PTPRN2: variants seen among roughly 807,000 people sequenced by gnomAD.
PTPRN2 encodes protein tyrosine phosphatase receptor type N2, also known as receptor-type tyrosine-protein phosphatase N2.
A neutral mutation model predicts 118.8 loss-of-function variants in PTPRN2; 74 were observed. The ratio of observed to expected loss-of-function variants is 0.62; its 90% CI spans 0.52 to 0.76. The LOEUF (loss-of-function observed/expected upper bound fraction) is 0.76. Ranked by LOEUF, PTPRN2 falls within the 30% of genes least tolerant of loss-of-function variation. The pLI is 0.00. For missense variants in PTPRN2, 1,481 were observed against 1,394.4 expected (o/e 1.06, Z -0.99); for synonymous variants, 641 against 608.0 (o/e 1.05, Z -0.80).
At chr7:157,649,254 T>C (rs1271956016) in intron 14 of PTPRN2, among the ~76,000 whole-genome samples, 8 of 75,662 alleles carry the variant, frequency 1.1e-4, no homozygotes, top group African/African-American at 1.3e-4. Context: ...TTGGACCCAT[T>C]CACTGTGCAC....
At chr7:158,549,374 G>A (rs905513159) in intron 1 of PTPRN2, among the ~76,000 whole-genome samples, 1 of 152,164 alleles carries the variant, frequency 6.6e-6, no homozygotes, top group Non-Finnish European at 1.5e-5. Flanking sequence ...GTGTTCACCG[G>A]GCGGATTCTG....
At chr7:157,839,728 G>C (rs1808230478) in intron 12 of PTPRN2, among the ~76,000 whole-genome samples, 1 of 151,986 alleles carries the variant, frequency 6.6e-6, no homozygotes, top group African/African-American at 2.4e-5. Flanking sequence ...GTGACTGTGT[G>C]ACTGTGTGGC....
At chr7:157,896,083 C>T (rs13223831) in intron 12 of PTPRN2, among the ~76,000 whole-genome samples, 63,497 of 145,618 alleles carry the variant, frequency 0.44, 14,065 homozygotes, top group Non-Finnish European at 0.52. Context: ...CAGGGGAGGA[C>T]GGGAGGAGCT....
chr7:157,904,398 A>G (rs1345166894), intron 11 of PTPRN2, among the ~76,000 whole-genome samples: 1 of 152,160 alleles, frequency 6.6e-6, no homozygotes, highest in Non-Finnish European at 1.5e-5. Flanking sequence ...GGCCCTGCAC[A>G]GGGTCTGCTG....
At chr7:157,936,866 C>T (rs1447601963) in intron 11 of PTPRN2, among the ~76,000 whole-genome samples, 1 of 152,250 alleles carries the variant, frequency 6.6e-6, no homozygotes, top group Non-Finnish European at 1.5e-5. Flanking sequence ...TTCGGTCATT[C>T]ATGCCATTTT....
intron 6 of PTPRN2, among the ~76,000 whole-genome samples, chr7:158,142,835 T>C (rs1170178263): frequency 6.6e-6 from 1 of 152,186 alleles, no homozygotes; most frequent in African/African-American, 2.4e-5. Context: ...CAGTCCCAGG[T>C]CAACGGCACC....
intron 11 of PTPRN2, among the ~76,000 whole-genome samples, chr7:157,933,687 TG>T (rs1350587869): frequency 6.7e-6 from 1 of 148,712 alleles, no homozygotes; most frequent in Non-Finnish European, 1.5e-5. Context: ...AGAGGAGGGG[TG>T]AGTCACTCTG....
At chr7:158,175,559 G>T (rs1824113993) in intron 5 of PTPRN2, among the ~76,000 whole-genome samples, 1 of 152,176 alleles carries the variant, frequency 6.6e-6, no homozygotes, top group African/African-American at 2.4e-5. Context: ...CACTCGTGTG[G>T]AGGGGAAATA....
At chr7:157,968,198 C>A (rs1391624982) in intron 11 of PTPRN2, among the ~76,000 whole-genome samples, 1 of 152,182 alleles carries the variant, frequency 6.6e-6, no homozygotes, top group Admixed American at 6.5e-5. Flanking sequence ...CAGCCTTGAA[C>A]ATCTGACACC....
chr7:158,419,718 A>C (rs1170018683), intron 2 of PTPRN2, among the ~76,000 whole-genome samples: 1 of 152,162 alleles, frequency 6.6e-6, no homozygotes, highest in African/African-American at 2.4e-5. Context: ...TGTGGCCAGC[A>C]TTCACCACTC....
chr7:158,141,359 C>A (rs1819371302), intron 6 of PTPRN2, among the ~76,000 whole-genome samples: 1 of 152,234 alleles, frequency 6.6e-6, no homozygotes, highest in Non-Finnish European at 1.5e-5. Flanking sequence ...AGCCGCACGT[C>A]CCGTCCTCTC....
Position 158,439,885 on chromosome 7 carries a change from G to A in PTPRN2, c.163+49850C>T, listed in dbSNP as rs375052421. Among the ~76,000 whole-genome samples, 123 of 152,330 alleles carry A rather than the reference G, an allele frequency of 8.1e-4. 2 individuals carry two copies. In the South Asian group the frequency reaches 0.019, roughly 24 times the overall value. On this transcript the variant is annotated intron_variant, in intron 2 of 22. Transcript: ENST00000389418. ...TGCAATGTGGAAATAATTTTGCAAC[G>A]TGGAAATACTGAGGCCTGGGGCTGA...
At chr7:157,719,504 C>T (rs558341998) in intron 12 of PTPRN2, among the ~76,000 whole-genome samples, 21 of 152,386 alleles carry the variant, frequency 1.4e-4, no homozygotes, top group Admixed American at 1.1e-3. Context: ...GCCCTTTGCA[C>T]ATCCCGGCCT....
rs556429760 is a variant in PTPRN2, at chr7:157,794,321, C to T, written c.1788+104352G>A. 6.6e-5 allele frequency among the ~76,000 whole-genome samples: 10 copies of T among 152,318 alleles called. No individual in the cohort carries two copies. The highest frequency in any genetic ancestry group is 2.0e-4 in the Admixed American group (3 of 15,304). On this transcript the variant is annotated intron_variant, in intron 12 of 22. Transcript: ENST00000389418. This position sits in a 1 kb window ranked among gnomAD's most constrained non-coding sequence, Gnocchi z 5.2. ...CTCGTTCTCTGCTCTGACCCGGGCT[C>T]ACACCTCCCTGCTCCACCCAGGCTG...
At chr7:157,713,034 A>T (rs1236482487) in intron 12 of PTPRN2, among the ~76,000 whole-genome samples, 1 of 152,234 alleles carries the variant, frequency 6.6e-6, no homozygotes, top group Non-Finnish European at 1.5e-5. Flanking sequence ...CACATGGGCC[A>T]CACAGAACGT....
At chr7:157,719,782 C>T (rs1405347009) in intron 12 of PTPRN2, among the ~76,000 whole-genome samples, 4 of 152,228 alleles carry the variant, frequency 2.6e-5, no homozygotes, top group East Asian at 1.9e-4. Context: ...CGCAGTTGCC[C>T]GCGTACTTTC....
intron 17 of PTPRN2, among the ~76,000 whole-genome samples, chr7:157,586,164 G>GT (rs1263297369): frequency 6.6e-6 from 1 of 152,162 alleles, no homozygotes; most frequent in Non-Finnish European, 1.5e-5. Flanking sequence ...GAAAAATCAA[G>GT]TTTTTCCTAA....
At position 157,927,377 on chromosome 7, in the gene PTPRN2, AC is replaced by A. The variant is rs1563246122; in HGVS notation, c.1724-28641del. Among the ~76,000 whole-genome samples the A allele has an allele frequency of 7.2e-4, 67 of 92,462 alleles. 1 individual carries two copies. Among genetic ancestry groups the A allele is most frequent in the African/African-American group, 2.2e-3 (58 of 26,330 alleles). The allele number at this position is 92,462 out of a possible 152,430, so 60.7% of individuals were successfully genotyped here. On this transcript the variant is annotated intron_variant, in intron 11 of 22. Transcript: ENST00000389418. ...GAGCAGAGACCTCACGTGTGCTGGG[AC>A]CCTGAAGACAGGAAGCCCCAGGGAC...
chr7:157,986,822 C>T lies in PTPRN2; in HGVS notation c.1724-88085G>A, dbSNP rs971591479. Among the ~76,000 whole-genome samples the T allele has an allele frequency of 2.3e-4, 35 of 152,118 alleles. No homozygotes were observed. Among genetic ancestry groups the T allele is most frequent in the Non-Finnish European group, 1.5e-5 (1 of 68,004 alleles). On this transcript the variant is annotated intron_variant, in intron 11 of 22. Transcript: ENST00000389418. The surrounding 1 kb of genome is among the most constrained non-coding windows in gnomAD (Gnocchi z 4.5). ...CATTTTGGAGCAGGTGGTCGGTGCC[C>T]ACCCACTGACAGGAGCTGCCGGTTT...
Sources: gnomAD v4.1 joint callset for allele counts (sites outside exome capture counted in the v4.1 genomes callset) on GRCh38, gnomAD v4.1.1 for gene constraint, Gnocchi (gnomAD v3.1) non-coding constraint, MANE v1.5 for transcripts, NCBI Gene and HGNC (gene_info 2026-07-23, HGNC 2026-07-21) for gene names.